Variants in ERBB4 observed in about 807,000 individuals in gnomAD.
ERBB4 encodes receptor tyrosine-protein kinase erbB-4.
In ERBB4, 42 loss-of-function variants were observed where a neutral mutation model predicts 158.0. The ratio of observed to expected loss-of-function variants is 0.27; its 90% CI spans 0.21 to 0.34. The LOEUF (loss-of-function observed/expected upper bound fraction) is 0.34, where lower values mean the gene tolerates loss of function less well. Among genes scored for constraint, ERBB4 ranks in the 10% least tolerant of loss-of-function variants. ERBB4 has a pLI of 1.00. For missense variants in ERBB4, 1,333 were observed against 1,624.1 expected, an observed-to-expected ratio of 0.82 and a Z score of 3.08; for synonymous variants, 583 against 558.7, an observed-to-expected ratio of 1.04 and a Z score of -0.61.
In ERBB4 at chr2:212,022,005, T is replaced by C. The variant is rs2076662530; in HGVS notation, c.235-74389A>G. Among the ~76,000 whole-genome samples, 2 of 152,126 alleles carry C rather than the reference T, an allele frequency of 1.3e-5. 1 individual carries two copies. The highest frequency in any genetic ancestry group is 4.1e-4 in the South Asian group (2 of 4,822). Reference sequence around the variant, plus strand: ...TTACACCAGTCAGAATTGTGATTATTAAAAAGTCAAGAAACAACAGATGCT... The same window carrying C: ...TTACACCAGTCAGAATTGTGATTATCAAAAAGTCAAGAAACAACAGATGCT... On this transcript the variant is annotated intron_variant, in intron 2 of 27. Transcript: ENST00000342788.
chr2:211,666,745 C>T (rs908661507), intron 14 of ERBB4, among the ~76,000 whole-genome samples: 3 of 152,184 alleles, frequency 2.0e-5, no homozygotes, highest in Non-Finnish European at 4.4e-5. Context: ...GACCACTCCC[C>T]TTTGGAACTT....
chr2:212,433,684 G>A (rs865891279), intron 1 of ERBB4, among the ~76,000 whole-genome samples: 8 of 151,866 alleles, frequency 5.3e-5, no homozygotes, highest in South Asian at 2.1e-4. Flanking sequence ...TATACACATC[G>A]TTGGTAGTAA....
intron 1 of ERBB4, among the ~76,000 whole-genome samples, chr2:212,267,874 A>G (rs932868109): frequency 6.6e-6 from 1 of 151,706 alleles, no homozygotes; most frequent in Non-Finnish European, 1.5e-5. Flanking sequence ...AGAGAATTAT[A>G]TAGCCCAACA....
intron 6 of ERBB4, among the ~76,000 whole-genome samples, chr2:211,723,300 T>C (rs1462430544): frequency 3.3e-5 from 5 of 152,114 alleles, no homozygotes; most frequent in Admixed American, 3.3e-4. Flanking sequence ...GTACTTGATA[T>C]AAAAACAGAA....
chr2:212,034,944 C>A (rs1258247797), intron 2 of ERBB4, among the ~76,000 whole-genome samples: 1 of 152,108 alleles, frequency 6.6e-6, no homozygotes, highest in African/African-American at 2.4e-5. Context: ...GGAAATGACT[C>A]CATGAAAATT....
intron 18 of ERBB4, among the ~76,000 whole-genome samples, 171 bp from the exon 19 acceptor site, chr2:211,619,446 G>T (rs2069512619): frequency 1.3e-5 from 2 of 152,110 alleles, no homozygotes; most frequent in Non-Finnish European, 1.5e-5. Context: ...ATCTGAGGAT[G>T]TTGCTCATAT....
intron 16 of ERBB4, among the ~76,000 whole-genome samples, chr2:211,651,879 GC>G (rs560711171): frequency 8.9e-4 from 136 of 152,240 alleles, no homozygotes; most frequent in Non-Finnish European, 1.6e-3. Context: ...CTTGATTTCA[GC>G]CTGGTGAGAA....
chr2:211,771,080 C>T lies in ERBB4; in HGVS notation c.556+16945G>A, dbSNP rs117865579. On this transcript the variant is annotated intron_variant, in intron 4 of 27. Transcript: ENST00000342788. ...ACCATCATAGAAATCTTATGCTAGG[C>T]CAGTGCTACTTACACCTCTTCCTAG... Among the ~76,000 whole-genome samples, 4 of 152,262 alleles carry T rather than the reference C, an allele frequency of 2.6e-5. No individual in the cohort carries two copies. In the East Asian group the frequency reaches 5.8e-4, roughly 22 times the overall value.
chr2:212,500,254 C>T (rs115150537), intron 1 of ERBB4, among the ~76,000 whole-genome samples: 1 of 152,152 alleles, frequency 6.6e-6, no homozygotes, highest in Non-Finnish European at 1.5e-5. Context: ...TAAGGATTCA[C>T]ATACACAGTT....
At chr2:212,092,630 C>T (rs909723720) in intron 2 of ERBB4, among the ~76,000 whole-genome samples, 8 of 152,170 alleles carry the variant, frequency 5.3e-5, no homozygotes, top group African/African-American at 1.9e-4. Context: ...CTTCCTACTA[C>T]ATTCCTGTAT....
intron 4 of ERBB4, among the ~76,000 whole-genome samples, chr2:211,772,729 T>C (rs536435602): frequency 1.2e-4 from 18 of 146,100 alleles, no homozygotes; most frequent in Middle Eastern, 3.5e-3. Flanking sequence ...CACTTCAGTC[T>C]TGACCTCCTG....
chr2:211,480,200 T>G (rs1020804145), intron 20 of ERBB4, among the ~76,000 whole-genome samples: 4 of 152,158 alleles, frequency 2.6e-5, no homozygotes, highest in Non-Finnish European at 5.9e-5. Context: ...CTCTTGTCAT[T>G]CCACCTACTT....
intron 1 of ERBB4, among the ~76,000 whole-genome samples, chr2:212,249,809 A>T (rs2084462001): frequency 6.6e-6 from 1 of 152,052 alleles, no homozygotes; most frequent in Non-Finnish European, 1.5e-5. Context: ...GACCTCAGAA[A>T]CACTGCATAT....
chr2:212,494,095 T>C (rs1690430634), intron 1 of ERBB4, among the ~76,000 whole-genome samples: 1 of 151,828 alleles, frequency 6.6e-6, no homozygotes, highest in Non-Finnish European at 1.5e-5. Flanking sequence ...ATATTACACA[T>C]AGCTGATAAC....
intron 1 of ERBB4, among the ~76,000 whole-genome samples, chr2:212,415,413 G>T (rs2091623531): frequency 6.6e-6 from 1 of 152,038 alleles, no homozygotes; most frequent in Non-Finnish European, 1.5e-5. Flanking sequence ...AATTTAAATA[G>T]GGCTCTGTTT....
chr2:211,460,221 C>T (rs907946417), intron 20 of ERBB4, among the ~76,000 whole-genome samples: 1 of 151,988 alleles, frequency 6.6e-6, no homozygotes, highest in Non-Finnish European at 1.5e-5. Flanking sequence ...CTGCCTTCTT[C>T]GTCTGTATGT....
rs148687972 is a variant in ERBB4, at chr2:211,855,480, T to C, written c.422-67321A>G. ...ACCTTTAACATTTACATCCACAATC[T>C]ACCAGTAATTGATTTTTGTCTATGG... On this transcript the variant is annotated intron_variant, in intron 3 of 27. Coordinates refer to ENST00000342788, the MANE Select transcript of ERBB4 (RefSeq NM_005235.3). 6.4e-3 allele frequency among the ~76,000 whole-genome samples: 974 copies of C among 152,334 alleles called. 7 individuals are homozygous for C. Among genetic ancestry groups the C allele is most frequent in the African/African-American group, 0.023 (941 of 41,576 alleles).
chr2:212,282,855 C>G (rs2085809697), intron 1 of ERBB4, among the ~76,000 whole-genome samples: 1 of 151,836 alleles, frequency 6.6e-6, no homozygotes. Flanking sequence ...TGTTCAGAAG[C>G]AAAATGTACC....
At chr2:212,140,300 A>G (rs1186777670) in intron 1 of ERBB4, among the ~76,000 whole-genome samples, 2 of 149,980 alleles carry the variant, frequency 1.3e-5, no homozygotes, top group African/African-American at 4.9e-5. Flanking sequence ...AGAAAAAACA[A>G]TAATATGTTG....
Sources: gnomAD v4.1 joint callset for allele counts (sites outside exome capture counted in the v4.1 genomes callset) on GRCh38, gnomAD v4.1.1 for gene constraint, MANE v1.5 for transcripts, NCBI Gene and HGNC (gene_info 2026-07-23, HGNC 2026-07-21) for gene names.